The following ESRRB variants were observed in gnomAD, a reference collection of about 807,000 sequenced individuals.
ESRRB encodes estrogen related receptor beta, also known as steroid hormone receptor ERR2.
ESRRB carries 16 observed loss-of-function variants against 46.0 expected under a neutral mutation model. That is an observed-to-expected ratio of 0.35 (90% CI 0.24 to 0.53). The LOEUF (loss-of-function observed/expected upper bound fraction) is 0.53, where lower values mean the gene tolerates loss of function less well. Ranked by LOEUF, ESRRB falls within the 20% of genes least tolerant of loss-of-function variation. The probability of loss-of-function intolerance (pLI) is 0.93; values close to 1 mark genes in which losing one functional copy is unlikely to be tolerated. For synonymous variants in ESRRB, 246 were observed against 259.6 expected (o/e 0.95, Z 0.50); for missense variants, 488 against 607.4 (o/e 0.80, Z 2.07).
intron 1 of ESRRB, among the ~76,000 whole-genome samples, chr14:76,333,697 C>A (rs866498771): frequency 4.6e-5 from 7 of 151,332 alleles, no homozygotes; most frequent in Non-Finnish European, 8.8e-5. Context: ...CCCAATATAT[C>A]AAAATATTAT....
chr14:76,342,998 G>C (rs1884209407), intron 1 of ESRRB, among the ~76,000 whole-genome samples: 1 of 152,198 alleles, frequency 6.6e-6, no homozygotes, highest in African/African-American at 2.4e-5. Flanking sequence ...GTGATGGAGT[G>C]GACAGGGGAG....
At chr14:76,490,819 G>C (rs918390166) in intron 5 of ESRRB, among the ~76,000 whole-genome samples, 1 of 152,204 alleles carries the variant, frequency 6.6e-6, no homozygotes, top group African/African-American at 2.4e-5. Context: ...TCCGACCCTG[G>C]GAGAGCAGGC....
chr14:76,409,949 C>A (rs1253879529), intron 1 of ESRRB, among the ~76,000 whole-genome samples: 1 of 152,120 alleles, frequency 6.6e-6, no homozygotes, highest in Non-Finnish European at 1.5e-5. Flanking sequence ...CCAGGCTGGG[C>A]CTGGTGGCTC....
At chr14:76,491,229 G>GT (rs1470769693) in intron 5 of ESRRB, among the ~76,000 whole-genome samples, 2 of 152,226 alleles carry the variant, frequency 1.3e-5, no homozygotes, top group Non-Finnish European at 2.9e-5. Context: ...CTCTCATTTT[G>GT]TAAGTCTTTT....
At chr14:76,442,924 C>G (rs751519911) in intron 2 of ESRRB, among the ~76,000 whole-genome samples, 1 of 150,444 alleles carries the variant, frequency 6.6e-6, no homozygotes, top group African/African-American at 2.4e-5. Context: ...AAGTGATTCT[C>G]CTGCCTCAGC....
chr14:76,414,409 C>A (rs1469553382), intron 1 of ESRRB, among the ~76,000 whole-genome samples: 1 of 151,128 alleles, frequency 6.6e-6, no homozygotes, highest in Non-Finnish European at 1.5e-5. Context: ...GTGTTCGGTA[C>A]TTAGAGCAGT....
chr14:76,492,378 G>T (rs1890266152), intron 6 of ESRRB, among the ~76,000 whole-genome samples: 1 of 152,026 alleles, frequency 6.6e-6, no homozygotes, highest in Non-Finnish European at 1.5e-5. Flanking sequence ...TGTTGCCCAG[G>T]TTGGTCCCAA....
chr14:76,357,246 G>T (rs931894946), intron 1 of ESRRB, among the ~76,000 whole-genome samples: 5 of 152,198 alleles, frequency 3.3e-5, no homozygotes, highest in African/African-American at 1.2e-4. Flanking sequence ...ATGCACAAAA[G>T]TATTACCCAA....
Position 76,498,471 on chromosome 14 carries a change from C to A in ESRRB, c.*13C>A. On this transcript the variant is annotated 3_prime_UTR_variant, in exon 7 of 7. Transcript: ENST00000644823. ...GGCCAAGGTGTGATGGCCCCGCACACGGACCAATGCCCACCTACAGACAGA... is the reference window on the plus strand; with the variant it reads ...GGCCAAGGTGTGATGGCCCCGCACAAGGACCAATGCCCACCTACAGACAGA... 1.2e-6 allele frequency: 2 copies of A among 1,613,110 alleles called. No individual in the cohort carries two copies. Among genetic ancestry groups the A allele is most frequent in the African/African-American group, 1.3e-5 (1 of 75,070 alleles).
chr14:76,345,169 A>AT (rs1157432670), intron 1 of ESRRB, among the ~76,000 whole-genome samples: 2 of 152,254 alleles, frequency 1.3e-5, no homozygotes, highest in African/African-American at 4.8e-5. Context: ...AGCAAATGCA[A>AT]TAGAAACAAA....
At chr14:76,331,161 G>A (rs1282566251) in intron 1 of ESRRB, among the ~76,000 whole-genome samples, 1 of 152,152 alleles carries the variant, frequency 6.6e-6, no homozygotes, top group East Asian at 1.9e-4. Flanking sequence ...CCGGCCATGT[G>A]ACACTTGCTG....
rs189205674 is a variant in ESRRB, at chr14:76,351,891, G to A, written c.2+40975G>A. On this transcript the variant is annotated intron_variant, in intron 1 of 6. Transcript: ENST00000512784. ...TCACAGCTACTTGGGTGGCTGAGGCGGGAGGATCACTGGGGCCCAGGAGTT... is the reference window on the plus strand; with the variant it reads ...TCACAGCTACTTGGGTGGCTGAGGCAGGAGGATCACTGGGGCCCAGGAGTT... Among the ~76,000 whole-genome samples, 50 of 151,420 alleles carry A rather than the reference G, an allele frequency of 3.3e-4. No homozygotes were observed. The East Asian group carries it at 8.7e-3, about 26-fold the overall frequency.
chr14:76,335,401 T>C (rs932291212), intron 1 of ESRRB, among the ~76,000 whole-genome samples: 1 of 152,116 alleles, frequency 6.6e-6, no homozygotes, highest in African/African-American at 2.4e-5. Context: ...TGGACAGTGG[T>C]GTATCAGGGG....
intron 1 of ESRRB, among the ~76,000 whole-genome samples, chr14:76,350,149 C>T (rs1227683183): frequency 6.6e-6 from 1 of 152,196 alleles, no homozygotes; most frequent in African/African-American, 2.4e-5. Flanking sequence ...GGCTCCTCTA[C>T]ACCTACATGG....
At chr14:76,425,353 G>A (rs1050091359) in intron 1 of ESRRB, among the ~76,000 whole-genome samples, 1 of 152,096 alleles carries the variant, frequency 6.6e-6, no homozygotes, top group African/African-American at 2.4e-5. Flanking sequence ...CTGAACTAGG[G>A]ATCTCCCTAT....
chr14:76,420,558 A>T (rs200418764), intron 1 of ESRRB, among the ~76,000 whole-genome samples: 6 of 142,364 alleles, frequency 4.2e-5, no homozygotes, highest in African/African-American at 7.9e-5. Context: ...ACAGGGTGTG[A>T]GTGTGTGTGT....
chr14:76,323,789 G>A (rs374173453), intron 1 of ESRRB, among the ~76,000 whole-genome samples: 8 of 152,190 alleles, frequency 5.3e-5, no homozygotes, highest in Admixed American at 3.9e-4. Context: ...TGACCAAGGC[G>A]CTGGTTCTCC....
chr14:76,353,088 C>T (rs1438176139), intron 1 of ESRRB, among the ~76,000 whole-genome samples: 1 of 152,262 alleles, frequency 6.6e-6, no homozygotes. Context: ...CTCTCCATTG[C>T]TCTTGTGAGA....
intron 1 of ESRRB, among the ~76,000 whole-genome samples, chr14:76,380,411 C>G (rs1371839354): frequency 6.6e-6 from 1 of 152,160 alleles, no homozygotes; most frequent in African/African-American, 2.4e-5. Context: ...GCGCCCTTCT[C>G]TAGAACTTGT....
Sources: gnomAD v4.1 joint callset for allele counts (sites outside exome capture counted in the v4.1 genomes callset) on GRCh38, gnomAD v4.1.1 for gene constraint, MANE v1.5 for transcripts, NCBI Gene and HGNC (gene_info 2026-07-23, HGNC 2026-07-21) for gene names.